Variants in PLCH2 observed in about 807,000 individuals in gnomAD.
PLCH2 encodes phospholipase C eta 2.
Under a neutral mutation model 134.7 loss-of-function variants are expected in PLCH2, and 98 were observed. The ratio of observed to expected loss-of-function variants is 0.73; its 90% CI spans 0.62 to 0.86. PLCH2 has a LOEUF of 0.86. PLCH2 is among the 40% of genes least tolerant of loss of function. The probability of loss-of-function intolerance (pLI) is 0.00; values close to 1 mark genes in which losing one functional copy is unlikely to be tolerated. For synonymous variants in PLCH2, 974 were observed against 827.5 expected (o/e 1.18, Z -3.04); for missense variants, 1,994 against 1,986.6 (o/e 1.00, Z -0.07).
rs1181842115 is a variant in PLCH2, at chr1:2,504,881, A to C, written c.3919A>C (p.Thr1307Pro). ...CCTGACAGAGCAGCTGCGCTGGCTCACTGTCTTCCAGCAGGCAGGAGACAT... is the reference window on the plus strand; with the variant it reads ...CCTGACAGAGCAGCTGCGCTGGCTCCCTGTCTTCCAGCAGGCAGGAGACAT... ...DTLTEQLRWLTVFQQAGDITS... is the reference protein window; with the variant it reads ...DTLTEQLRWLPVFQQAGDITS... Residue 1307 changes from threonine to proline, a missense_variant, in exon 22 of 22, where the codon ACT becomes CCT. Coordinates refer to ENST00000378486, the MANE Select transcript of PLCH2 (RefSeq NM_014638.4). 6.3e-7 allele frequency: 1 copy of C among 1,590,770 alleles called. No individual in the cohort carries two copies. The highest frequency in any genetic ancestry group is 8.6e-7 in the Non-Finnish European group (1 of 1,167,972).
At chr1:2,501,542 C>T (rs1643225841) in intron 20 of PLCH2, 1 of 152,482 alleles carries the variant, frequency 6.6e-6, no homozygotes, top group Admixed American at 6.5e-5. Flanking sequence ...AGGAAGGCTT[C>T]CTGGAAGAGG....
chr1:2,496,633 A>G lies in PLCH2; in HGVS notation c.1862A>G (p.Lys621Arg). ...RGATRQKKTM[K>R]LSRALSDLVK... ...GCGACCCGGCAGAAGAAGACCATGA[A>G]GCTGTCCCGGGCCCTCTCTGACCTG... Residue 621 changes from lysine to arginine, a missense_variant, in exon 14 of 22, where the codon AAG (lysine) becomes AGG (arginine). This residue lies in a region of PLCH2 where 1,094 missense variants were observed against 1,234.3 expected (regional missense o/e 0.89). Transcript: ENST00000378486. 6.2e-7 allele frequency: 1 copy of G among 1,612,024 alleles called. No individual in the cohort carries two copies. The highest frequency in any genetic ancestry group is 1.7e-5 in the Admixed American group (1 of 59,924).
At chr1:2,468,767 C>T (rs898712976) in intron 1 of PLCH2, among the ~76,000 whole-genome samples, 1 of 151,814 alleles carries the variant, frequency 6.6e-6, no homozygotes. Flanking sequence ...AGACTGGGGA[C>T]GGGTTGCTGG....
In PLCH2 at chr1:2,495,475, G is replaced by GC. The variant is rs761446096; in HGVS notation, c.1753-7dup. 43 of 1,550,330 alleles carry GC rather than the reference G, an allele frequency of 2.8e-5. 1 individual carries two copies. The highest frequency in any genetic ancestry group is 3.6e-5 in the South Asian group (3 of 84,014). On this transcript the variant is annotated splice_polypyrimidine_tract_variant and intron_variant, in intron 12 of 21. Coordinates refer to ENST00000378486, the MANE Select transcript of PLCH2 (RefSeq NM_014638.4). ...CAGAGGCCCTACAGCTCACACCTCT[G>GC]CCCCCCGCACAGAAGAAGGGCAGCA... is the stretch of plus-strand genomic sequence containing the variant.
chr1:2,502,636 A>G (rs761029213), intron 21 of PLCH2: 62 of 680,298 alleles, frequency 9.1e-5, no homozygotes, highest in East Asian at 8.9e-4. Context: ...GGGCTGACTC[A>G]CTGGGGGCCC....
chr1:2,436,481 CCT>C, intron 2 of PLCH2, among the ~76,000 whole-genome samples: 1 of 48,454 alleles, frequency 2.1e-5, no homozygotes, highest in Non-Finnish European at 3.4e-5. Context: ...CTTCCTCCCT[CCT>C]CCCCTCCTCC....
In PLCH2 at chr1:2,496,684, C is replaced by T; in HGVS notation, c.1913C>T (p.Thr638Ile). 3 of 1,611,894 alleles carry T rather than the reference C, an allele frequency of 1.9e-6. No individual in the cohort carries two copies. Among genetic ancestry groups the T allele is most frequent in the Non-Finnish European group, 2.5e-6 (3 of 1,179,348 alleles). ...DLVKYTKSVA[T>I]HDIEMEAASS... The stretch of plus-strand genomic sequence containing the variant: ...GTGAAGTACACCAAGTCCGTGGCCA[C>T]CCACGACATAGAGATGGAGGGTGAG... The change falls in exon 14 of 22, where the codon ACC becomes ATC. Residue 638 changes from threonine (T) to isoleucine (I), a missense_variant. Thr to Ile is a moderately conservative substitution (Grantham distance 89). Coordinates refer to ENST00000378486, the MANE Select transcript of PLCH2 (RefSeq NM_014638.4).
intron 4 of PLCH2, among the ~76,000 whole-genome samples, chr1:2,483,837 T>TGTGGGTGGCGCTGACCCCCGTGTGGGGG (rs1558004951): frequency 2.3e-4 from 3 of 12,910 alleles, no homozygotes; most frequent in Non-Finnish European, 4.2e-4. Context: ...CGTGTGGGGG[T>TGTGGGTGGCGCTGACCCCCGTGTGGGGG]GGCGCTGACC....
the PLCH2 span, among the ~76,000 whole-genome samples, chr1:2,415,976 G>A: frequency 6.6e-6 from 1 of 152,254 alleles, no homozygotes; most frequent in Non-Finnish European, 1.5e-5. Flanking sequence ...GAGCTCAGAG[G>A]CCGGGGAGGA....
At chr1:2,450,942 G>A (rs1203495096) in intron 2 of PLCH2, among the ~76,000 whole-genome samples, 1 of 151,532 alleles carries the variant, frequency 6.6e-6, no homozygotes, top group African/African-American at 2.4e-5. Flanking sequence ...GGTTGTGAGG[G>A]TGAGCAGGTG....
chr1:2,484,388 C>A, intron 4 of PLCH2, 60 bp from the exon 5 acceptor site: 1 of 1,556,126 alleles, frequency 6.4e-7, no homozygotes, highest in South Asian at 1.1e-5. Context: ...TCCTGAAGGA[C>A]CCCTGTGCAT....
intron 2 of PLCH2, among the ~76,000 whole-genome samples, chr1:2,435,014 C>G (rs548792554): frequency 5.9e-5 from 9 of 152,332 alleles, no homozygotes; most frequent in African/African-American, 2.2e-4. Flanking sequence ...GCCTGCGAGC[C>G]TCAGCATGCA....
upstream of PLCH2, among the ~76,000 whole-genome samples, chr1:2,472,146 C>T (rs915259412): frequency 2.0e-5 from 3 of 152,168 alleles, no homozygotes; most frequent in South Asian, 2.1e-4. Flanking sequence ...CTCGAGGCAC[C>T]GACTCACACT....
intron 2 of PLCH2, among the ~76,000 whole-genome samples, chr1:2,446,888 C>T (rs1307410305): frequency 6.6e-6 from 1 of 152,236 alleles, no homozygotes; most frequent in Non-Finnish European, 1.5e-5. Flanking sequence ...CCTGCCCCTG[C>T]AGCCCCGTGT....
chr1:2,455,250 G>T (rs545004141), intron 2 of PLCH2, among the ~76,000 whole-genome samples: 37 of 152,204 alleles, frequency 2.4e-4, no homozygotes, highest in Non-Finnish European at 3.8e-4. Flanking sequence ...GGAACTGGAC[G>T]TTGGCTGCGT....
chr1:2,450,058 C>T (rs1156327439), intron 2 of PLCH2, among the ~76,000 whole-genome samples: 2 of 152,218 alleles, frequency 1.3e-5, no homozygotes, highest in Non-Finnish European at 2.9e-5. Flanking sequence ...CCTGGGGTCT[C>T]CTGAGCCACC....
intron 2 of PLCH2, among the ~76,000 whole-genome samples, chr1:2,456,120 G>A (rs917060486): frequency 5.4e-4 from 82 of 152,338 alleles, no homozygotes; most frequent in African/African-American, 1.8e-3. Context: ...TGTTGATGCC[G>A]TTTGGGATGC....
intron 2 of PLCH2, among the ~76,000 whole-genome samples, chr1:2,438,580 G>T (rs953483824): frequency 3.3e-5 from 5 of 152,222 alleles, no homozygotes; most frequent in African/African-American, 1.2e-4. Flanking sequence ...CACAGGAAGG[G>T]GAGGGGGCTG....
upstream of PLCH2, among the ~76,000 whole-genome samples, chr1:2,472,616 G>A (rs1641379551): frequency 6.6e-6 from 1 of 152,244 alleles, no homozygotes; most frequent in South Asian, 2.1e-4. Context: ...GACAGCAGGT[G>A]ACGGTCAGGC....
Sources: gnomAD v4.1 joint callset for allele counts (sites outside exome capture counted in the v4.1 genomes callset) on GRCh38, gnomAD v4.1.1 for gene constraint, gnomAD v4.1.1 regional missense constraint, MANE v1.5 for transcripts, NCBI Gene and HGNC (gene_info 2026-07-23, HGNC 2026-07-21) for gene names.